The following GSDMC variants were observed in gnomAD, a reference collection of about 807,000 sequenced individuals.
GSDMC encodes gasdermin C, also known as gasdermin-C.
GSDMC carries 59 observed loss-of-function variants against 58.0 expected under a neutral mutation model. That is an observed-to-expected ratio of 1.02 (90% CI 0.82 to 1.26). The LOEUF is 1.26. GSDMC is among the 50% of genes most tolerant of loss of function. GSDMC has a pLI of 0.00. For missense variants in GSDMC, 659 were observed against 598.5 expected, an observed-to-expected ratio of 1.10 and a Z score of -1.06; for synonymous variants, 241 against 220.2, an observed-to-expected ratio of 1.09 and a Z score of -0.83.
At chr8:129,717,323 A>C in the GSDMC span, among the ~76,000 whole-genome samples, 1 of 129,648 alleles carries the variant, frequency 7.7e-6, no homozygotes, top group African/African-American at 2.9e-5. Context: ...TTATTGGTCT[A>C]TTCAGGGATT....
Position 129,749,542 on chromosome 8 carries a change from T to A in GSDMC, c.1214-17A>T. On this transcript the variant is annotated splice_polypyrimidine_tract_variant and intron_variant, in intron 12 of 13. Coordinates refer to ENST00000276708, the MANE Select transcript of GSDMC (RefSeq NM_031415.3). ...CACTCAGCACTGAGGGTGGGGGACATGTGGGGAAAGACAGTAGTGAAGAAT... is the reference window on the plus strand; with the variant it reads ...CACTCAGCACTGAGGGTGGGGGACAAGTGGGGAAAGACAGTAGTGAAGAAT... 6.2e-7 allele frequency: 1 copy of A among 1,603,394 alleles called. No individual in the cohort carries two copies. The highest frequency in any genetic ancestry group is 8.5e-7 in the Non-Finnish European group (1 of 1,170,412).
the GSDMC span, among the ~76,000 whole-genome samples, chr8:129,728,448 C>T: frequency 6.6e-6 from 1 of 152,146 alleles, no homozygotes; most frequent in African/African-American, 2.4e-5. Context: ...GGAAGTTTTC[C>T]AGCTCCACAC....
At position 129,779,114 on chromosome 8, in the gene GSDMC, T is replaced by C. The variant is rs776010474; in HGVS notation, c.-4-1523A>G. Among the ~76,000 whole-genome samples, 12 of 152,320 alleles carry C rather than the reference T, an allele frequency of 7.9e-5. No homozygotes were observed. The South Asian group carries it at 1.2e-3, about 16-fold the overall frequency. On this transcript the variant is annotated intron_variant, in intron 1 of 13. Coordinates refer to ENST00000276708, the MANE Select transcript of GSDMC (RefSeq NM_031415.3). Reference sequence around the variant, plus strand: ...CCCAGCAAGCTCATTACTGGGTATATACCCAAAGGAACAGATATCATTTTA... The same window carrying C: ...CCCAGCAAGCTCATTACTGGGTATACACCCAAAGGAACAGATATCATTTTA...
At chr8:129,780,218 A>G (rs986843520) in intron 1 of GSDMC, among the ~76,000 whole-genome samples, 2 of 152,200 alleles carry the variant, frequency 1.3e-5, no homozygotes, top group Non-Finnish European at 2.9e-5. Context: ...AGATAGGTGT[A>G]GAAAGTTTAT....
chr8:129,738,254 T>G, the GSDMC span, among the ~76,000 whole-genome samples: 11 of 152,202 alleles, frequency 7.2e-5, no homozygotes, highest in Non-Finnish European at 1.0e-4. Flanking sequence ...TGGAAGACAG[T>G]GTGGCGATTC....
the GSDMC span, among the ~76,000 whole-genome samples, chr8:129,739,092 T>TA: frequency 6.6e-6 from 1 of 152,234 alleles, no homozygotes; most frequent in Admixed American, 6.5e-5. Context: ...TACATAGGTA[T>TA]ACATGTTTGA....
chr8:129,707,369 T>G, the GSDMC span, among the ~76,000 whole-genome samples: 1 of 152,178 alleles, frequency 6.6e-6, no homozygotes, highest in Admixed American at 6.5e-5. Context: ...TCACAGGAAC[T>G]AAAATATGAA....
chr8:129,710,974 G>A, the GSDMC span, among the ~76,000 whole-genome samples: 21 of 152,202 alleles, frequency 1.4e-4, no homozygotes, highest in African/African-American at 2.4e-4. Flanking sequence ...CTGGGCAGCC[G>A]TCTTGCAGAT....
At chr8:129,734,770 C>A in the GSDMC span, among the ~76,000 whole-genome samples, 1 of 152,110 alleles carries the variant, frequency 6.6e-6, no homozygotes. Context: ...AGCAAAATAA[C>A]CAGCTAACAT....
chr8:129,718,554 A>G, the GSDMC span, among the ~76,000 whole-genome samples: 1 of 152,350 alleles, frequency 6.6e-6, no homozygotes, highest in East Asian at 1.9e-4. Flanking sequence ...GAGGATGTGG[A>G]GAAATTGTAA....
the GSDMC span, among the ~76,000 whole-genome samples, chr8:129,711,148 G>C: frequency 6.6e-6 from 1 of 152,166 alleles, no homozygotes; most frequent in African/African-American, 2.4e-5. Context: ...TTATTGAGTA[G>C]TTACTCTGTG....
At chr8:129,778,501 A>G (rs1261835619) in intron 1 of GSDMC, among the ~76,000 whole-genome samples, 1 of 152,218 alleles carries the variant, frequency 6.6e-6, no homozygotes, top group Non-Finnish European at 1.5e-5. Flanking sequence ...AAACTATAAA[A>G]ATAAAACACT....
rs534487118 is a variant in GSDMC, at chr8:129,786,451, C to G, written c.-445G>C. 1 of 152,300 alleles carries G rather than the reference C, an allele frequency of 6.6e-6. No individual in the cohort carries two copies. The highest frequency in any genetic ancestry group is 2.1e-4 in the South Asian group (1 of 4,822). The allele number at this position is 152,300 out of a possible 1,614,324, so 9.4% of individuals were successfully genotyped here. A position where few individuals can be genotyped will look rare whatever the true frequency, so the allele number is the denominator to read the frequency against. ...GATCAATGTGATTCTGTTCACTGTT[C>G]TCTTCTCACCAATGGGTCCCTGACT... On this transcript the variant is annotated 5_prime_UTR_variant, in exon 1 of 14. Coordinates refer to ENST00000276708, the MANE Select transcript of GSDMC (RefSeq NM_031415.3).
At chr8:129,782,584 TAC>T (rs1211067968) in intron 1 of GSDMC, among the ~76,000 whole-genome samples, 2 of 152,144 alleles carry the variant, frequency 1.3e-5, no homozygotes, top group African/African-American at 4.8e-5. Context: ...TGAGCAACTA[TAC>T]ACCAATAAAT....
chr8:129,772,364 T>G (rs890602935), intron 3 of GSDMC, among the ~76,000 whole-genome samples: 1 of 137,430 alleles, frequency 7.3e-6, no homozygotes, highest in Non-Finnish European at 1.6e-5. Context: ...TTGAAAAAAA[T>G]TAAAAATTGA....
chr8:129,760,022 T>C (rs1031959293), intron 6 of GSDMC, among the ~76,000 whole-genome samples: 19 of 152,186 alleles, frequency 1.2e-4, no homozygotes, highest in African/African-American at 4.1e-4. Flanking sequence ...GGTATACTAT[T>C]CACCCGTTAA....
chr8:129,760,487 A>C, intron 6 of GSDMC, 58 bp downstream of exon 6: 1 of 921,704 alleles, frequency 1.1e-6, no homozygotes, highest in South Asian at 1.4e-5. Flanking sequence ...ATAAATATAC[A>C]TACCTCCCAT....
At chr8:129,738,932 A>C in the GSDMC span, among the ~76,000 whole-genome samples, 1 of 152,218 alleles carries the variant, frequency 6.6e-6, no homozygotes, top group Admixed American at 6.5e-5. Context: ...TCAAAATAAA[A>C]CTGAAACCTT....
intron 3 of GSDMC, among the ~76,000 whole-genome samples, chr8:129,771,058 T>C (rs916747448): frequency 6.7e-6 from 1 of 150,140 alleles, no homozygotes; most frequent in Non-Finnish European, 1.5e-5. Context: ...TATATACATA[T>C]ATGTCAGATA....
Sources: gnomAD v4.1 joint callset for allele counts (sites outside exome capture counted in the v4.1 genomes callset) on GRCh38, gnomAD v4.1.1 for gene constraint, MANE v1.5 for transcripts, NCBI Gene and HGNC (gene_info 2026-07-23, HGNC 2026-07-21) for gene names.